TBC1D5: variants seen among roughly 807,000 people sequenced by gnomAD.
TBC1D5 encodes the protein TBC1 domain family, member 5.
Under a neutral mutation model 100.3 loss-of-function variants are expected in TBC1D5, and 75 were observed. That is an observed-to-expected ratio of 0.75 (90% CI 0.62 to 0.91). The LOEUF (loss-of-function observed/expected upper bound fraction) is 0.91. TBC1D5 is among the 40% of genes least tolerant of loss of function. The probability of loss-of-function intolerance (pLI) is 0.00; values close to 1 mark genes in which losing one functional copy is unlikely to be tolerated. For missense variants in TBC1D5, 910 were observed against 942.4 expected (o/e 0.97, Z 0.45); for synonymous variants, 323 against 325.6 (o/e 0.99, Z 0.09).
intron 19 of TBC1D5, among the ~76,000 whole-genome samples, chr3:17,177,651 C>T (rs1691560688): frequency 6.6e-6 from 1 of 152,220 alleles, no homozygotes; most frequent in African/African-American, 2.4e-5. Flanking sequence ...AACACCAAGT[C>T]ATTCAAAGTC....
At chr3:17,513,945 T>C (rs925192886) in intron 2 of TBC1D5, among the ~76,000 whole-genome samples, 1 of 152,182 alleles carries the variant, frequency 6.6e-6, no homozygotes, top group Admixed American at 6.5e-5. Context: ...ATTTTTTATT[T>C]AGAAATGTTG....
chr3:17,361,188 A>G (rs1187129948), intron 13 of TBC1D5, among the ~76,000 whole-genome samples: 1 of 152,044 alleles, frequency 6.6e-6, no homozygotes, highest in Non-Finnish European at 1.5e-5. Context: ...TGTGAAAAGT[A>G]CCAGTAAACA....
At chr3:17,265,599 A>G (rs1289114194) in intron 15 of TBC1D5, among the ~76,000 whole-genome samples, 1 of 152,166 alleles carries the variant, frequency 6.6e-6, no homozygotes, top group Non-Finnish European at 1.5e-5. Flanking sequence ...CTCTGGGGGA[A>G]TTTCTCAGGA....
intron 1 of TBC1D5, among the ~76,000 whole-genome samples, chr3:17,681,337 C>A (rs2069442298): frequency 6.6e-6 from 1 of 151,650 alleles, no homozygotes; most frequent in Non-Finnish European, 1.5e-5. Flanking sequence ...ATACGCCACT[C>A]TGGTTACCTG....
At chr3:17,611,680 G>C (rs2061679157) in intron 2 of TBC1D5, among the ~76,000 whole-genome samples, 1 of 152,208 alleles carries the variant, frequency 6.6e-6, no homozygotes, top group African/African-American at 2.4e-5. Context: ...AGAAACCAGA[G>C]TGGAGTGCTA....
intron 15 of TBC1D5, among the ~76,000 whole-genome samples, chr3:17,268,503 CAT>C (rs1236978939): frequency 1.3e-5 from 2 of 151,980 alleles, no homozygotes; most frequent in East Asian, 1.9e-4. Context: ...AATATACTCA[CAT>C]GTGCTTTTAT....
At chr3:17,508,707 A>G (rs768635511) in intron 2 of TBC1D5, 102 bp from the exon 3 acceptor site, 1 of 534,192 alleles carries the variant, frequency 1.9e-6, no homozygotes, top group Non-Finnish European at 3.3e-6. Flanking sequence ...TACAGACATT[A>G]ACAAGTTTTT....
chr3:17,295,314 A>G (rs2082136241), intron 14 of TBC1D5, among the ~76,000 whole-genome samples: 1 of 152,228 alleles, frequency 6.6e-6, no homozygotes, highest in Admixed American at 6.5e-5. Flanking sequence ...TCCCATTTAT[A>G]AAATAGAGAC....
intron 3 of TBC1D5, among the ~76,000 whole-genome samples, chr3:17,444,647 T>C (rs1320251588): frequency 1.3e-5 from 2 of 151,924 alleles, no homozygotes; most frequent in Admixed American, 1.3e-4. Context: ...ACAAAACAAA[T>C]AGAAATTGAT....
intron 4 of TBC1D5, among the ~76,000 whole-genome samples, chr3:17,425,499 T>A (rs1462057069): frequency 1.3e-5 from 2 of 152,090 alleles, no homozygotes; most frequent in Non-Finnish European, 2.9e-5. Flanking sequence ...TGGTGGCATA[T>A]GCCTGTCGTC....
chr3:17,165,093 G>A lies in TBC1D5; in HGVS notation c.2094+1674C>T, dbSNP rs901551065. Among the ~76,000 whole-genome samples, 22 of 152,142 alleles carry A rather than the reference G, an allele frequency of 1.4e-4. 1 individual carries two copies. Among genetic ancestry groups the A allele is most frequent in the African/African-American group, 4.8e-4 (20 of 41,420 alleles). On this transcript the variant is annotated intron_variant, in intron 21 of 21. Transcript: ENST00000253692. ...GTGCAGTATCTCTTGGATACTGCACGTGATGAGGCCGTGCCAGAACAAGGG... is the reference window on the plus strand; with the variant it reads ...GTGCAGTATCTCTTGGATACTGCACATGATGAGGCCGTGCCAGAACAAGGG...
chr3:17,439,664 T>C (rs1230237212), intron 3 of TBC1D5, among the ~76,000 whole-genome samples: 1 of 152,192 alleles, frequency 6.6e-6, no homozygotes, highest in African/African-American at 2.4e-5. Flanking sequence ...TACTGTACTG[T>C]TCTTTCCTTT....
intron 2 of TBC1D5, among the ~76,000 whole-genome samples, chr3:17,552,794 T>C (rs111713679): frequency 3.3e-5 from 5 of 152,058 alleles, no homozygotes; most frequent in Non-Finnish European, 7.4e-5. Context: ...AAAAAGGAGT[T>C]TGTCATGGGA....
chr3:17,641,452 T>C (rs1000642551), intron 1 of TBC1D5, among the ~76,000 whole-genome samples: 1 of 152,134 alleles, frequency 6.6e-6, no homozygotes, highest in Non-Finnish European at 1.5e-5. Context: ...GAGCCTCAGC[T>C]ATGTCATATA....
intron 2 of TBC1D5, among the ~76,000 whole-genome samples, chr3:17,588,962 AG>A (rs2096749846): frequency 6.6e-6 from 1 of 152,210 alleles, no homozygotes; most frequent in Non-Finnish European, 1.5e-5. Flanking sequence ...AAAATTTTAA[AG>A]GTTTTATGCC....
intron 13 of TBC1D5, among the ~76,000 whole-genome samples, chr3:17,353,238 G>C (rs892060624): frequency 1.3e-5 from 2 of 151,978 alleles, no homozygotes; most frequent in Non-Finnish European, 2.9e-5. Context: ...TACTCTTTTA[G>C]GGGTTTGTAA....
chr3:17,390,449 T>C (rs1165633200), intron 8 of TBC1D5, among the ~76,000 whole-genome samples: 1 of 152,020 alleles, frequency 6.6e-6, no homozygotes, highest in African/African-American at 2.4e-5. Context: ...TAGTACATAA[T>C]TAGGTAATTA....
chr3:17,366,835 A>G (rs2092164602), intron 13 of TBC1D5, among the ~76,000 whole-genome samples: 1 of 152,180 alleles, frequency 6.6e-6, no homozygotes, highest in African/African-American at 2.4e-5. Flanking sequence ...TTAAAATTAT[A>G]TCAATAATTT....
chr3:17,258,398 A>G (rs1559502994), intron 16 of TBC1D5, 108 bp downstream of exon 16: 15 of 1,023,654 alleles, frequency 1.5e-5, no homozygotes, highest in Non-Finnish European at 1.9e-5. Flanking sequence ...TTCCTTATGT[A>G]CATATGCTAA....
Sources: gnomAD v4.1 joint callset for allele counts (sites outside exome capture counted in the v4.1 genomes callset) on GRCh38, gnomAD v4.1.1 for gene constraint, MANE v1.5 for transcripts, NCBI Gene and HGNC (gene_info 2026-07-23, HGNC 2026-07-21) for gene names.